BRINP3: variants seen among roughly 807,000 people sequenced by gnomAD.
The protein encoded by BRINP3 is BMP/retinoic acid-inducible neural-specific protein 3.
A neutral mutation model predicts 71.0 loss-of-function variants in BRINP3; 19 were observed. The observed-to-expected ratio is 0.27, with a 90% CI of 0.19 to 0.39. The LOEUF (loss-of-function observed/expected upper bound fraction) is 0.39, where lower values mean the gene tolerates loss of function less well. BRINP3 is among the 10% of genes least tolerant of loss of function. The pLI, the probability that BRINP3 is intolerant of heterozygous loss-of-function variation, is 1.00. For synonymous variants in BRINP3, 380 were observed against 337.7 expected (o/e 1.13, Z -1.37); for missense variants, 959 against 940.8 (o/e 1.02, Z -0.25).
chr1:190,414,297 T>G (rs1672874480), intron 2 of BRINP3, among the ~76,000 whole-genome samples: 1 of 152,104 alleles, frequency 6.6e-6, no homozygotes, highest in African/African-American at 2.4e-5. Context: ...TTTTTTAAAT[T>G]TTCATAATTA....
Position 190,134,993 on chromosome 1 carries a change from G to T in BRINP3, c.1184+25675C>A, listed in dbSNP as rs556548859. On this transcript the variant is annotated intron_variant, in intron 7 of 7. Coordinates refer to ENST00000367462, the MANE Select transcript of BRINP3 (RefSeq NM_199051.3). ...TGAAGTACACATGTTATTTAAGGAT[G>T]ATTTTAGCATCTAGAATAGTAAATG... Among the ~76,000 whole-genome samples the T allele has an allele frequency of 7.2e-5, 11 of 152,130 alleles. No individual in the cohort carries two copies. In the East Asian group the frequency reaches 2.1e-3, roughly 29 times the overall value.
chr1:190,392,068 A>T (rs1366262541), intron 2 of BRINP3, among the ~76,000 whole-genome samples: 2 of 151,616 alleles, frequency 1.3e-5, no homozygotes, highest in African/African-American at 4.8e-5. Flanking sequence ...CAAAAAAAAA[A>T]AATGATTTAA....
chr1:190,224,697 C>A (rs888375948), intron 6 of BRINP3, among the ~76,000 whole-genome samples: 2 of 151,658 alleles, frequency 1.3e-5, no homozygotes, highest in South Asian at 4.1e-4. Flanking sequence ...AGAGATAACC[C>A]ACAGAATGGG....
intron 7 of BRINP3, among the ~76,000 whole-genome samples, chr1:190,127,573 A>G (rs1654192213): frequency 6.6e-6 from 1 of 151,910 alleles, no homozygotes. Context: ...TTGAATAAAC[A>G]AGTACTATAT....
In BRINP3 at chr1:190,158,879, G is replaced by C. The variant is rs557081131; in HGVS notation, c.1184+1789C>G. ...GACCACAGGGAGGGGGAGAGAGAGA[G>C]AGAGAGAGAAAGAAAAGAGAAAGGA... On this transcript the variant is annotated intron_variant, in intron 7 of 7. Coordinates refer to ENST00000367462, the MANE Select transcript of BRINP3 (RefSeq NM_199051.3). Among the ~76,000 whole-genome samples the C allele has an allele frequency of 4.0e-5, 6 of 151,846 alleles. 1 individual carries two copies. The East Asian group carries it at 1.2e-3, about 29-fold the overall frequency.
chr1:190,470,818 T>C (rs1476571405), intron 1 of BRINP3, among the ~76,000 whole-genome samples: 2 of 151,152 alleles, frequency 1.3e-5, no homozygotes, highest in Admixed American at 6.6e-5. Context: ...TTATAAATAT[T>C]TATGCTATAT....
At chr1:190,406,205 G>T (rs1169694502) in intron 2 of BRINP3, among the ~76,000 whole-genome samples, 1 of 152,106 alleles carries the variant, frequency 6.6e-6, no homozygotes, top group Non-Finnish European at 1.5e-5. Flanking sequence ...GGATATACAG[G>T]CTATCTCAGC....
At chr1:190,474,420 A>T (rs889778919) in intron 1 of BRINP3, 1 of 152,672 alleles carries the variant, frequency 6.5e-6, no homozygotes, top group African/African-American at 2.4e-5. Context: ...GCTTAACTGC[A>T]TGATGACAAA....
chr1:190,125,996 CTAACA>C (rs79584804), intron 7 of BRINP3, among the ~76,000 whole-genome samples: 65,819 of 151,142 alleles, frequency 0.44, 14,588 homozygotes, highest in Non-Finnish European at 0.47. Context: ...AAAGGCCTTC[CTAACA>C]TAAGTGTGAA....
intron 4 of BRINP3, among the ~76,000 whole-genome samples, chr1:190,260,316 A>T (rs1044637110): frequency 3.3e-5 from 5 of 152,108 alleles, no homozygotes; most frequent in African/African-American, 4.8e-5. Flanking sequence ...ACAAAGAAAA[A>T]AAGTATGTAA....
At chr1:190,319,601 G>A (rs1666104743) in intron 2 of BRINP3, among the ~76,000 whole-genome samples, 1 of 152,104 alleles carries the variant, frequency 6.6e-6, no homozygotes, top group East Asian at 1.9e-4. Context: ...CATGGTGGAA[G>A]GCAAAGGGAG....
chr1:190,387,786 G>A (rs557162063), intron 2 of BRINP3, among the ~76,000 whole-genome samples: 100 of 151,754 alleles, frequency 6.6e-4, no homozygotes, highest in South Asian at 3.5e-3. Flanking sequence ...CTCCAGCTTC[G>A]TGGCTTTAAA....
chr1:190,181,078 C>G (rs1399363052), intron 6 of BRINP3, among the ~76,000 whole-genome samples: 1 of 152,050 alleles, frequency 6.6e-6, no homozygotes, highest in African/African-American at 2.4e-5. Context: ...GTACCTAACC[C>G]CTGGCAAACA....
chr1:190,167,862 A>T (rs1474901430), intron 6 of BRINP3, among the ~76,000 whole-genome samples: 1 of 152,160 alleles, frequency 6.6e-6, no homozygotes, highest in East Asian at 1.9e-4. Flanking sequence ...ACTACCAAGA[A>T]TTTGCTCATT....
chr1:190,301,156 TATATATATAC>T (rs1558160189), intron 2 of BRINP3, among the ~76,000 whole-genome samples: 3 of 114,190 alleles, frequency 2.6e-5, no homozygotes, highest in Middle Eastern at 4.2e-3. Flanking sequence ...CACACATACA[TATATATATAC>T]ATATATATAC....
intron 6 of BRINP3, among the ~76,000 whole-genome samples, chr1:190,167,581 G>C (rs1651667170): frequency 6.6e-6 from 1 of 152,052 alleles, no homozygotes; most frequent in Admixed American, 6.6e-5. Flanking sequence ...TTCACCTCTT[G>C]CAGCTGTAGG....
At chr1:190,122,325 G>T (rs1653735464) in intron 7 of BRINP3, among the ~76,000 whole-genome samples, 1 of 152,014 alleles carries the variant, frequency 6.6e-6, no homozygotes, top group African/African-American at 2.4e-5. Flanking sequence ...TGTTCATTCA[G>T]AATCTCAGAC....
At chr1:190,151,637 G>A (rs1448119132) in intron 7 of BRINP3, among the ~76,000 whole-genome samples, 4 of 152,086 alleles carry the variant, frequency 2.6e-5, no homozygotes, top group Non-Finnish European at 5.9e-5. Flanking sequence ...AAATGAATCA[G>A]CATTTTATTT....
At chr1:190,465,724 C>T (rs886571367) in intron 1 of BRINP3, among the ~76,000 whole-genome samples, 1 of 151,840 alleles carries the variant, frequency 6.6e-6, no homozygotes, top group African/African-American at 2.4e-5. Context: ...CAGCTGTCTT[C>T]CACTTACCAA....
Sources: allele counts gnomAD v4.1 joint callset (sites outside exome capture counted in the v4.1 genomes callset), GRCh38; gene constraint gnomAD v4.1.1; transcripts MANE v1.5; gene names NCBI Gene and HGNC (gene_info 2026-07-23, HGNC 2026-07-21).